Variants in HK2 observed in about 807,000 individuals in gnomAD.
The protein encoded by HK2 is hexokinase-2.
HK2 carries 42 observed loss-of-function variants against 92.9 expected under a neutral mutation model. The observed-to-expected ratio is 0.45, with a 90% confidence interval of 0.35 to 0.58. The LOEUF is 0.58. HK2 is among the 20% of genes least tolerant of loss of function. HK2 has a pLI of 0.00. For missense variants in HK2, 978 were observed against 1,245.1 expected (o/e 0.79, Z 3.23); for synonymous variants, 422 against 468.0 (o/e 0.90, Z 1.27).
At chr2:74,884,802 A>G (rs1450167624) in intron 12 of HK2, among the ~76,000 whole-genome samples, 4 of 152,156 alleles carry the variant, frequency 2.6e-5, no homozygotes, top group East Asian at 3.8e-4. Flanking sequence ...AACCCAAAGC[A>G]TTTCTCCCAG....
chr2:74,848,829 T>C (rs138890744), intron 1 of HK2, among the ~76,000 whole-genome samples: 157 of 152,322 alleles, frequency 1.0e-3, no homozygotes, highest in Non-Finnish European at 1.9e-3. Flanking sequence ...TTCAGTTGCA[T>C]TGGGCCTGCA....
At chr2:74,883,912 CA>C (rs1422697090) in intron 12 of HK2, among the ~76,000 whole-genome samples, 6 of 152,168 alleles carry the variant, frequency 3.9e-5, no homozygotes, top group Admixed American at 2.0e-4. Flanking sequence ...ATTTTAATCA[CA>C]TGAAAAATTA....
At chr2:74,876,799 G>C (rs1253764740) in intron 7 of HK2, among the ~76,000 whole-genome samples, 1 of 152,018 alleles carries the variant, frequency 6.6e-6, no homozygotes, top group East Asian at 1.9e-4. Flanking sequence ...ATAAATATTG[G>C]GCTATGTAAG....
intron 8 of HK2, among the ~76,000 whole-genome samples, chr2:74,878,166 G>A (rs1324304983): frequency 1.3e-5 from 2 of 152,264 alleles, no homozygotes; most frequent in East Asian, 3.9e-4. Context: ...AGCTAAAGCA[G>A]TGCCAAGTCC....
At chr2:74,845,237 A>G (rs1294425658) in intron 1 of HK2, among the ~76,000 whole-genome samples, 1 of 152,200 alleles carries the variant, frequency 6.6e-6, no homozygotes, top group Admixed American at 6.5e-5. Flanking sequence ...TCTTCTGCCA[A>G]TAGACTCAGC....
intron 2 of HK2, among the ~76,000 whole-genome samples, chr2:74,861,398 C>T (rs558465185): frequency 1.2e-4 from 18 of 148,028 alleles, no homozygotes; most frequent in African/African-American, 3.3e-4. Flanking sequence ...CCAGCCTGGG[C>T]GACAGAGTGA....
chr2:74,854,505 T>G (rs772127874), intron 2 of HK2, 50 bp downstream of exon 2: 2 of 1,606,650 alleles, frequency 1.2e-6, no homozygotes, highest in Non-Finnish European at 1.7e-6. Flanking sequence ...CAGGGGTGAT[T>G]TAGTTGGCTT....
chr2:74,866,287 C>T (rs933349535), intron 2 of HK2, among the ~76,000 whole-genome samples: 7 of 152,150 alleles, frequency 4.6e-5, no homozygotes, highest in East Asian at 3.9e-4. Context: ...TGACCCATTC[C>T]GCTTCACTTC....
chr2:74,873,766 G>T, intron 5 of HK2, 78 bp from the exon 6 acceptor site: 1 of 887,126 alleles, frequency 1.1e-6, no homozygotes, highest in Admixed American at 1.8e-5. Context: ...AGGAGGAGGA[G>T]GAGTGATATA....
chr2:74,874,086 C>T, intron 6 of HK2, 143 bp downstream of exon 6: 1 of 964,396 alleles, frequency 1.0e-6, no homozygotes, highest in Non-Finnish European at 1.6e-6. Flanking sequence ...GAGAGCCGAG[C>T]AGGGACTCAT....
intron 17 of HK2, among the ~76,000 whole-genome samples, chr2:74,889,951 ATGT>A (rs995348540): frequency 5.7e-4 from 87 of 152,292 alleles, no homozygotes; most frequent in African/African-American, 2.0e-3. Context: ...ACCTTTGAGT[ATGT>A]TGTTTTTTCT....
intron 3 of HK2, among the ~76,000 whole-genome samples, chr2:74,871,509 G>A (rs561605025): frequency 6.6e-6 from 1 of 152,256 alleles, no homozygotes; most frequent in African/African-American, 2.4e-5. Context: ...GGGGATTGTG[G>A]GCTTTGGGGC....
chr2:74,886,187 T>C lies in HK2; in HGVS notation c.1936-107T>C. ...CTGAATGGAATGAGAGGGTCAGCCA[T>C]GGTGTATGATATATATTTTATATAC... On this transcript the variant is annotated intron_variant, in intron 13 of 17. Transcript: ENST00000290573. 7.1e-6 allele frequency: 6 copies of C among 846,752 alleles called. No individual in the cohort carries two copies. In the South Asian group the frequency reaches 8.5e-5, roughly 12 times the overall value. The allele number at this position is 846,752 out of a possible 1,614,324, so 52.5% of individuals were successfully genotyped here. A position where few individuals can be genotyped will look rare whatever the true frequency, so the allele number is the denominator to read the frequency against.
intron 7 of HK2, 22 bp downstream of exon 7, chr2:74,874,471 G>C: frequency 6.3e-7 from 1 of 1,577,016 alleles, no homozygotes; most frequent in Non-Finnish European, 8.6e-7. Flanking sequence ...CTTCCTGTGC[G>C]AGTGGGCTTG....
Position 74,834,865 on chromosome 2 carries a change from G to A in HK2, c.63+222G>A, listed in dbSNP as rs916585111. ...GGGAGCCGAGGTCGCGCTCCGCCGG[G>A]CGCCCTCCCTCCCTGAGCTCCGGCA... is the stretch of plus-strand genomic sequence containing the variant. On this transcript the variant is annotated intron_variant, in intron 1 of 17. Transcript: ENST00000290573. This position sits in a 1 kb window ranked among gnomAD's most constrained non-coding sequence, Gnocchi z 4.2. 3.3e-5 allele frequency among the ~76,000 whole-genome samples: 5 copies of A among 152,118 alleles called. No homozygotes were observed. The highest frequency in any genetic ancestry group is 4.4e-5 in the Non-Finnish European group (3 of 67,976).
intron 1 of HK2, chr2:74,835,081 C>T: frequency 3.9e-6 from 1 of 253,852 alleles, no homozygotes; most frequent in Non-Finnish European, 7.8e-6. Context: ...CCGCCGGGGG[C>T]CGTCCGCGCT....
At chr2:74,857,056 T>G (rs942959820) in intron 2 of HK2, among the ~76,000 whole-genome samples, 1 of 152,206 alleles carries the variant, frequency 6.6e-6, no homozygotes, top group Non-Finnish European at 1.5e-5. Context: ...AAGCTTGCAC[T>G]GTTTGCAGCA....
intron 2 of HK2, among the ~76,000 whole-genome samples, chr2:74,866,537 A>G (rs1440384213): frequency 6.6e-6 from 1 of 152,126 alleles, no homozygotes; most frequent in Non-Finnish European, 1.5e-5. Context: ...GTGCCACACA[A>G]TGGGGCCCTT....
chr2:74,872,455 C>T (rs1401666858), intron 4 of HK2, 36 bp downstream of exon 4: 2 of 1,613,040 alleles, frequency 1.2e-6, no homozygotes, highest in East Asian at 2.2e-5. Flanking sequence ...TTGCTTCACT[C>T]TTGGGGCTGG....
Sources: gnomAD v4.1 joint callset for allele counts (sites outside exome capture counted in the v4.1 genomes callset) on GRCh38, gnomAD v4.1.1 for gene constraint, Gnocchi (gnomAD v3.1) non-coding constraint, MANE v1.5 for transcripts, NCBI Gene and HGNC (gene_info 2026-07-23, HGNC 2026-07-21) for gene names.